Variants in AFG2A observed in about 807,000 individuals in gnomAD.
AFG2A encodes AAA ATPase AFG2A.
At chr4:123,014,937 T>C in the AFG2A span, among the ~76,000 whole-genome samples, 717 of 152,300 alleles carry the variant, frequency 4.7e-3, 9 homozygotes, top group African/African-American at 0.016. Context: ...TTTTTTAGCT[T>C]TCTGTACTCC....
chr4:123,081,081 A>C, the AFG2A span, among the ~76,000 whole-genome samples: 15 of 152,276 alleles, frequency 9.9e-5, no homozygotes, highest in East Asian at 2.9e-3. Flanking sequence ...CATTTGTTAC[A>C]ATCTATAAAC....
the AFG2A span, among the ~76,000 whole-genome samples, chr4:123,178,974 G>C: frequency 5.3e-5 from 8 of 152,230 alleles, no homozygotes; most frequent in Admixed American, 2.6e-4. Context: ...ATCTGTTTTT[G>C]AGCTTAAGAA....
At chr4:123,100,060 A>G in the AFG2A span, among the ~76,000 whole-genome samples, 1 of 151,884 alleles carries the variant, frequency 6.6e-6, no homozygotes, top group South Asian at 2.1e-4. Flanking sequence ...AAGGTCTAAA[A>G]GAAATTTGGT....
chr4:123,148,053 A>C, the AFG2A span, among the ~76,000 whole-genome samples: 1 of 152,216 alleles, frequency 6.6e-6, no homozygotes, highest in African/African-American at 2.4e-5. Flanking sequence ...AAATTTCTCA[A>C]AGATATCTTT....
chr4:123,134,427 T>C, the AFG2A span, among the ~76,000 whole-genome samples: 2 of 152,164 alleles, frequency 1.3e-5, no homozygotes, highest in Non-Finnish European at 2.9e-5. Context: ...TGTGGATTTA[T>C]TTCTGCTCTC....
At chr4:123,135,842 G>GA in the AFG2A span, among the ~76,000 whole-genome samples, 164 of 152,188 alleles carry the variant, frequency 1.1e-3, no homozygotes, top group African/African-American at 3.9e-3. Flanking sequence ...GCTATATATA[G>GA]AAAATCCTAA....
At chr4:123,295,422 A>G in the AFG2A span, among the ~76,000 whole-genome samples, 7 of 152,238 alleles carry the variant, frequency 4.6e-5, no homozygotes, top group African/African-American at 1.7e-4. Context: ...AAATCTTAAG[A>G]CGAAAAGGGA....
the AFG2A span, among the ~76,000 whole-genome samples, chr4:123,106,717 G>A: frequency 1.3e-5 from 2 of 152,196 alleles, no homozygotes; most frequent in African/African-American, 2.4e-5. Flanking sequence ...TTGGAGTGTT[G>A]CTTCACCAGC....
chr4:123,304,384 A>G, the AFG2A span, among the ~76,000 whole-genome samples: 2 of 152,192 alleles, frequency 1.3e-5, no homozygotes, highest in Non-Finnish European at 2.9e-5. Flanking sequence ...GTTCGCAAAC[A>G]GCAGGACATC....
the AFG2A span, among the ~76,000 whole-genome samples, chr4:122,927,128 G>GT: frequency 2.0e-5 from 3 of 152,168 alleles, no homozygotes; most frequent in African/African-American, 7.2e-5. Context: ...ATCACTAGTG[G>GT]TGTGTGTTCG....
At chr4:123,001,158 T>C in the AFG2A span, among the ~76,000 whole-genome samples, 1 of 147,924 alleles carries the variant, frequency 6.8e-6, no homozygotes, top group African/African-American at 2.5e-5. Context: ...ATATCCCCTT[T>C]ATCATTTTTT....
At chr4:122,965,185 T>G in the AFG2A span, among the ~76,000 whole-genome samples, 2 of 152,208 alleles carry the variant, frequency 1.3e-5, no homozygotes, top group Admixed American at 6.5e-5. Context: ...CTAAAAGGGA[T>G]TGTTAACTTC....
At chr4:123,196,215 G>T in the AFG2A span, among the ~76,000 whole-genome samples, 176 of 121,570 alleles carry the variant, frequency 1.4e-3, no homozygotes, top group Admixed American at 2.4e-3. Context: ...TTCACCATGT[G>T]AGCCAGGATG....
the AFG2A span, among the ~76,000 whole-genome samples, chr4:122,997,624 A>G: frequency 6.6e-6 from 1 of 152,168 alleles, no homozygotes; most frequent in African/African-American, 2.4e-5. Flanking sequence ...TTTCGTGTGA[A>G]TACTTGCTTT....
the AFG2A span, among the ~76,000 whole-genome samples, chr4:123,030,725 A>G: frequency 2.0e-5 from 3 of 152,284 alleles, no homozygotes; most frequent in East Asian, 5.8e-4. Flanking sequence ...TTATTTTTCA[A>G]ATTGAATATC....
At chr4:123,138,808 C>T in the AFG2A span, among the ~76,000 whole-genome samples, 1 of 151,938 alleles carries the variant, frequency 6.6e-6, no homozygotes, top group African/African-American at 2.4e-5. Flanking sequence ...ATACTTTATA[C>T]TATTAGTGAA....
the AFG2A span, among the ~76,000 whole-genome samples, chr4:122,940,586 T>G: frequency 6.6e-6 from 1 of 152,136 alleles, no homozygotes; most frequent in African/African-American, 2.4e-5. Flanking sequence ...GTAGCTTCCC[T>G]GTTCACTCTG....
the AFG2A span, among the ~76,000 whole-genome samples, chr4:123,224,994 C>T: frequency 3.3e-4 from 50 of 152,292 alleles, no homozygotes; most frequent in African/African-American, 1.1e-3. Flanking sequence ...TGTCTTTTGG[C>T]TGCATAAATG....
the AFG2A span, among the ~76,000 whole-genome samples, chr4:122,926,306 G>A: frequency 6.7e-6 from 1 of 149,216 alleles, no homozygotes; most frequent in Non-Finnish European, 1.5e-5. Context: ...TAGGAAGAAA[G>A]AGGCAGGAAC....
Sources: gnomAD v4.1 joint callset for allele counts (sites outside exome capture counted in the v4.1 genomes callset) on GRCh38, gnomAD v4.1.1 for gene constraint, MANE v1.5 for transcripts, NCBI Gene and HGNC (gene_info 2026-07-23, HGNC 2026-07-21) for gene names.